The following MMP16 variants were observed in gnomAD, a reference collection of about 807,000 sequenced individuals.
The protein encoded by MMP16 is matrix metalloproteinase-16.
MMP16 carries 12 observed loss-of-function variants against 67.8 expected under a neutral mutation model. The observed-to-expected ratio is 0.18, with a 90% confidence interval of 0.11 to 0.29. The LOEUF is 0.29. Among genes scored for constraint, MMP16 ranks in the 10% least tolerant of loss-of-function variants. The probability of loss-of-function intolerance (pLI) is 1.00; values close to 1 mark genes in which losing one functional copy is unlikely to be tolerated. For synonymous variants in MMP16, 249 were observed against 255.9 expected (o/e 0.97, Z 0.26); for missense variants, 475 against 765.7 (o/e 0.62, Z 4.48).
chr8:88,202,505 T>C lies in MMP16; in HGVS notation c.133-5199A>G, dbSNP rs79661087. Among the ~76,000 whole-genome samples, 488 of 152,254 alleles carry C rather than the reference T, an allele frequency of 3.2e-3. 3 individuals are homozygous for C. Among genetic ancestry groups the C allele is most frequent in the African/African-American group, 0.011 (465 of 41,556 alleles). On this transcript the variant is annotated intron_variant, in intron 1 of 9. Coordinates refer to ENST00000286614, the MANE Select transcript of MMP16 (RefSeq NM_005941.5). ...AAGAGAGCAGTGCCCTTACCTGAAATTCCATTATGTGCTAGTCATCAGGCT... is the reference window on the plus strand; with the variant it reads ...AAGAGAGCAGTGCCCTTACCTGAAACTCCATTATGTGCTAGTCATCAGGCT...
In MMP16 at chr8:88,222,068, A is replaced by G. The variant is rs148576107; in HGVS notation, c.133-24762T>C. On this transcript the variant is annotated intron_variant, in intron 1 of 9. Transcript: ENST00000286614. ...AAAAATGTTTGATAAATATATTAAT[A>G]TAAAAATAGCATTTTATTATTGGGA... 3.8e-3 allele frequency among the ~76,000 whole-genome samples: 585 copies of G among 152,068 alleles called. 5 individuals are homozygous for G. The highest frequency in any genetic ancestry group is 0.013 in the African/African-American group (555 of 41,512).
intron 2 of MMP16, among the ~76,000 whole-genome samples, chr8:88,192,838 A>C (rs1192246150): frequency 1.3e-5 from 2 of 152,162 alleles, no homozygotes; most frequent in Admixed American, 1.3e-4. Context: ...ATTAAGTTAA[A>C]TTTCTGTACA....
chr8:88,186,602 CAAAAAAAAAAA>C lies in MMP16; in HGVS notation c.282-15_282-5del. The C allele has an allele frequency of 2.3e-5, 27 of 1,164,158 alleles. No homozygotes were observed. Among genetic ancestry groups the C allele is most frequent in the South Asian group, 7.3e-5 (3 of 41,270 alleles). The allele number at this position is 1,164,158 out of a possible 1,614,324, so 72.1% of individuals were successfully genotyped here. A position where few individuals can be genotyped will look rare whatever the true frequency, so the allele number is the denominator to read the frequency against. The stretch of plus-strand genomic sequence containing the variant: ...GCATCGGGGCTTCTTCATCCAGCTG[CAAAAAAAAAAA>C]AAAAAAAAAAAAAGCAGTATTTTCC... On this transcript the variant is annotated splice_region_variant and splice_polypyrimidine_tract_variant and intron_variant, in intron 2 of 9. Transcript: ENST00000286614.
intron 1 of MMP16, among the ~76,000 whole-genome samples, chr8:88,215,836 G>A (rs567787378): frequency 2.2e-4 from 33 of 152,188 alleles, no homozygotes; most frequent in Non-Finnish European, 4.6e-4. Flanking sequence ...TTTCGTGCTA[G>A]GATTCTGACT....
At chr8:88,136,038 A>G (rs1368252718) in intron 4 of MMP16, among the ~76,000 whole-genome samples, 2 of 151,970 alleles carry the variant, frequency 1.3e-5, no homozygotes, top group African/African-American at 2.4e-5. Flanking sequence ...GTAGAGGCAC[A>G]TGGAAAAAGG....
At chr8:88,136,419 A>G (rs1808119894) in intron 4 of MMP16, among the ~76,000 whole-genome samples, 1 of 151,838 alleles carries the variant, frequency 6.6e-6, no homozygotes, top group Non-Finnish European at 1.5e-5. Context: ...AAAACTGCAC[A>G]AATCTTAAGT....
At chr8:88,179,882 G>A (rs1194608361) in intron 3 of MMP16, among the ~76,000 whole-genome samples, 1 of 152,120 alleles carries the variant, frequency 6.6e-6, no homozygotes, top group Non-Finnish European at 1.5e-5. Context: ...AACCAGAGAA[G>A]GCACTGGAAG....
chr8:88,057,128 C>T (rs1051989651), intron 7 of MMP16, among the ~76,000 whole-genome samples: 2 of 152,098 alleles, frequency 1.3e-5, no homozygotes, highest in African/African-American at 4.8e-5. Flanking sequence ...CCACCCTTAT[C>T]TATTGACACT....
chr8:88,268,725 C>T (rs181059759), intron 1 of MMP16, among the ~76,000 whole-genome samples: 103 of 152,328 alleles, frequency 6.8e-4, no homozygotes, highest in Non-Finnish European at 5.7e-4. Context: ...TTCCTCCCAA[C>T]CATATGACAG....
At chr8:88,143,091 G>GGCATCAGACT (rs148612781) in intron 4 of MMP16, among the ~76,000 whole-genome samples, 2 of 152,078 alleles carry the variant, frequency 1.3e-5, no homozygotes, top group Non-Finnish European at 2.9e-5. Flanking sequence ...GAACAAGGCA[G>GGCATCAGACT]GCATCAGACT....
intron 7 of MMP16, among the ~76,000 whole-genome samples, chr8:88,065,200 C>T (rs1328547768): frequency 6.6e-6 from 1 of 152,104 alleles, no homozygotes; most frequent in Non-Finnish European, 1.5e-5. Flanking sequence ...ACAAACCTCT[C>T]AACCTCCTAA....
At position 88,180,250 on chromosome 8, in the gene MMP16, C is replaced by T. The variant is rs575718563; in HGVS notation, c.404+6226G>A. ...GAGCTGAGATTGCGCCATTTCACTC[C>T]AGCCTGGGCAACAAGAGTGAAACTC... On this transcript the variant is annotated intron_variant, in intron 3 of 9. Coordinates refer to ENST00000286614, the MANE Select transcript of MMP16 (RefSeq NM_005941.5). 2.6e-5 allele frequency among the ~76,000 whole-genome samples: 4 copies of T among 151,404 alleles called. No individual in the cohort carries two copies. The East Asian group carries it at 7.8e-4, about 30-fold the overall frequency.
intron 4 of MMP16, among the ~76,000 whole-genome samples, chr8:88,135,778 A>T (rs979592146): frequency 2.0e-5 from 3 of 151,906 alleles, no homozygotes; most frequent in Non-Finnish European, 4.4e-5. Context: ...ATATTAACAA[A>T]GGCAGACAAT....
In MMP16 at chr8:88,178,753, T is replaced by C. The variant is rs575242809; in HGVS notation, c.404+7723A>G. 2.0e-5 allele frequency among the ~76,000 whole-genome samples: 3 copies of C among 152,320 alleles called. No homozygotes were observed. In the East Asian group the frequency reaches 5.8e-4, roughly 29 times the overall value. On this transcript the variant is annotated intron_variant, in intron 3 of 9. Coordinates refer to ENST00000286614, the MANE Select transcript of MMP16 (RefSeq NM_005941.5). ...TGCCAATTTGTAAGCATGTAAAGTT[T>C]ATTATGCAGTATAACCGCATGTAAA... is the stretch of plus-strand genomic sequence containing the variant.
intron 1 of MMP16, among the ~76,000 whole-genome samples, chr8:88,274,415 T>C (rs192643154): frequency 1.1e-4 from 16 of 152,216 alleles, no homozygotes; most frequent in Non-Finnish European, 2.1e-4. Context: ...TGTATTTTTC[T>C]CTCTCACTTA....
At chr8:88,189,176 AGAT>A (rs1393311759) in intron 2 of MMP16, among the ~76,000 whole-genome samples, 1 of 152,180 alleles carries the variant, frequency 6.6e-6, no homozygotes, top group Non-Finnish European at 1.5e-5. Context: ...ATGGATTAGA[AGAT>A]GAAGAAAAAA....
At chr8:88,080,975 C>T (rs2118307724) in intron 6 of MMP16, among the ~76,000 whole-genome samples, 1 of 152,200 alleles carries the variant, frequency 6.6e-6, no homozygotes, top group Non-Finnish European at 1.5e-5. Flanking sequence ...TTTGGTTCTA[C>T]CTCTTTGCAA....
chr8:88,166,711 A>G (rs907781762), intron 4 of MMP16, among the ~76,000 whole-genome samples: 1 of 137,624 alleles, frequency 7.3e-6, no homozygotes, highest in Non-Finnish European at 1.6e-5. Context: ...ATATATATAT[A>G]TATATATATA....
At chr8:88,253,594 T>C (rs905846672) in intron 1 of MMP16, among the ~76,000 whole-genome samples, 5 of 152,092 alleles carry the variant, frequency 3.3e-5, no homozygotes, top group African/African-American at 1.2e-4. Flanking sequence ...CTGACTGATG[T>C]GTTTCAAAAC....
Sources: gnomAD v4.1 joint callset for allele counts (sites outside exome capture counted in the v4.1 genomes callset) on GRCh38, gnomAD v4.1.1 for gene constraint, MANE v1.5 for transcripts, NCBI Gene and HGNC (gene_info 2026-07-23, HGNC 2026-07-21) for gene names.